The following IL1RAPL2 variants were observed in gnomAD, a reference collection of about 807,000 sequenced individuals.
The protein encoded by IL1RAPL2 is X-linked interleukin-1 receptor accessory protein-like 2.
IL1RAPL2 carries 3 observed loss-of-function variants against 44.1 expected under a neutral mutation model. The observed-to-expected ratio is 0.07, with a 90% CI of 0.03 to 0.18. IL1RAPL2 has a LOEUF of 0.18. IL1RAPL2 is among the 10% of genes least tolerant of loss of function. The probability of loss-of-function intolerance (pLI) is 1.00; values close to 1 mark genes in which losing one functional copy is unlikely to be tolerated. For synonymous variants in IL1RAPL2, 181 were observed against 178.8 expected, an observed-to-expected ratio of 1.01 and a Z score of -0.10; for missense variants, 391 against 496.4, an observed-to-expected ratio of 0.79 and a Z score of 2.02.
intron 2 of IL1RAPL2, among the ~76,000 whole-genome samples, chrX:104,934,419 A>T: frequency 9.0e-6 from 1 of 111,416 alleles, no homozygotes; most frequent in Non-Finnish European, 1.9e-5. Context: ...CAAGAAATTA[A>T]AACTCAACCA....
chrX:104,620,689 G>T (rs1229711812), intron 1 of IL1RAPL2, among the ~76,000 whole-genome samples: 1 of 99,723 alleles, frequency 1.0e-5, no homozygotes, highest in Non-Finnish European at 2.0e-5. Flanking sequence ...ATACTCTTGG[G>T]TGAGGCCATC....
intron 2 of IL1RAPL2, among the ~76,000 whole-genome samples, chrX:105,071,696 A>G (rs908824377): frequency 3.0e-4 from 34 of 111,925 alleles, no homozygotes; most frequent in Non-Finnish European, 5.1e-4. Flanking sequence ...AACAGATTAG[A>G]GAGCCAAAAA....
intron 4 of IL1RAPL2, among the ~76,000 whole-genome samples, chrX:105,257,463 A>C (rs748140498): frequency 2.7e-5 from 3 of 111,591 alleles, no homozygotes; most frequent in Non-Finnish European, 5.6e-5. Context: ...CATTTGGTCC[A>C]ATGTTAAGTT....
At chrX:105,723,705 G>A (rs1015539592) in intron 7 of IL1RAPL2, among the ~76,000 whole-genome samples, 4 of 111,416 alleles carry the variant, frequency 3.6e-5, no homozygotes, top group Admixed American at 1.9e-4. Flanking sequence ...AGTGTCTGGT[G>A]AGGGCCTGTT....
chrX:105,170,972 C>T (rs1255381497), intron 2 of IL1RAPL2, among the ~76,000 whole-genome samples: 4 of 111,253 alleles, frequency 3.6e-5, no homozygotes, highest in African/African-American at 6.5e-5. Flanking sequence ...TAACAGGCAG[C>T]GGTAAAGGGT....
At chrX:104,995,643 G>C (rs2030735007) in intron 2 of IL1RAPL2, among the ~76,000 whole-genome samples, 1 of 111,909 alleles carries the variant, frequency 8.9e-6, no homozygotes, top group Non-Finnish European at 1.9e-5. Context: ...AGTTCAAATA[G>C]TCTCAAGAGC....
At chrX:105,362,694 A>G (rs1274054742) in intron 5 of IL1RAPL2, among the ~76,000 whole-genome samples, 1 of 111,423 alleles carries the variant, frequency 9.0e-6, no homozygotes. Flanking sequence ...GCTATCAGTA[A>G]AAAAGAAAAC....
chrX:104,836,620 A>T (rs1921749268), intron 2 of IL1RAPL2, among the ~76,000 whole-genome samples: 1 of 111,104 alleles, frequency 9.0e-6, no homozygotes, highest in South Asian at 3.8e-4. Context: ...AACAGAAATA[A>T]TGTATCCTAT....
intron 1 of IL1RAPL2, among the ~76,000 whole-genome samples, chrX:104,656,071 T>C (rs1191348309): frequency 9.0e-6 from 1 of 111,618 alleles, no homozygotes; most frequent in Non-Finnish European, 1.9e-5. Flanking sequence ...TATTTTCTTC[T>C]TTATTAATCT....
At chrX:104,817,247 A>G (rs1310039253) in intron 2 of IL1RAPL2, among the ~76,000 whole-genome samples, 1 of 112,485 alleles carries the variant, frequency 8.9e-6, no homozygotes, top group African/African-American at 3.2e-5. Context: ...ACAGCCAAAC[A>G]AGGTAGGCCA....
At chrX:105,042,211 G>A (rs1287722714) in intron 2 of IL1RAPL2, among the ~76,000 whole-genome samples, 1 of 109,376 alleles carries the variant, frequency 9.1e-6, no homozygotes, top group Non-Finnish European at 1.9e-5. Context: ...GGCAACAAAA[G>A]CCAAAATTGA....
intron 2 of IL1RAPL2, among the ~76,000 whole-genome samples, chrX:104,713,170 C>A (rs1359407840): frequency 1.8e-5 from 2 of 110,386 alleles, no homozygotes; most frequent in African/African-American, 6.6e-5. Flanking sequence ...GCTGGGAAAT[C>A]TTTCACCAAT....
chrX:105,070,662 C>G (rs2032194292), intron 2 of IL1RAPL2, among the ~76,000 whole-genome samples: 1 of 108,735 alleles, frequency 9.2e-6, no homozygotes, highest in Non-Finnish European at 1.9e-5. Flanking sequence ...CCACTGCACT[C>G]CAGCCTGGGC....
At position 105,493,099 on chromosome X, in the gene IL1RAPL2, T is replaced by C. The variant is rs747395497; in HGVS notation, c.772+8712T>C. On this transcript the variant is annotated intron_variant, in intron 6 of 10. Transcript: ENST00000372582. ...TCAAGGTTCAGTCATTGTTATTGCA[T>C]GTATAAGTACTTCACTCCTTTTCAT... 3.6e-5 allele frequency among the ~76,000 whole-genome samples: 4 copies of C among 112,516 alleles called. No individual in the cohort carries two copies. The South Asian group carries it at 1.5e-3, about 41-fold the overall frequency.
intron 2 of IL1RAPL2, among the ~76,000 whole-genome samples, chrX:105,183,858 C>T (rs1045106110): frequency 2.7e-5 from 3 of 111,426 alleles, no homozygotes; most frequent in African/African-American, 9.8e-5. Context: ...AATGTCAGCA[C>T]AGAATCCAGT....
chrX:105,344,220 A>G (rs1220239531), intron 5 of IL1RAPL2, among the ~76,000 whole-genome samples: 1 of 112,081 alleles, frequency 8.9e-6, no homozygotes, highest in Non-Finnish European at 1.9e-5. Flanking sequence ...TTCTACAGTG[A>G]ATATGTATTC....
intron 5 of IL1RAPL2, among the ~76,000 whole-genome samples, chrX:105,341,741 C>T (rs1006827478): frequency 9.0e-6 from 1 of 111,009 alleles, no homozygotes; most frequent in Non-Finnish European, 1.9e-5. Context: ...ACTATCCTGG[C>T]TAACACGGTG....
intron 6 of IL1RAPL2, among the ~76,000 whole-genome samples, chrX:105,685,645 AG>A (rs1373342622): frequency 1.8e-5 from 2 of 111,922 alleles, no homozygotes; most frequent in Non-Finnish European, 3.8e-5. Context: ...ATTATCCAGG[AG>A]AACTTCCCCA....
At chrX:104,981,903 T>C (rs761111979) in intron 2 of IL1RAPL2, among the ~76,000 whole-genome samples, 2 of 111,326 alleles carry the variant, frequency 1.8e-5, no homozygotes, top group African/African-American at 6.5e-5. Flanking sequence ...AAATACAGCA[T>C]GTTCTCACTT....
Sources: allele counts gnomAD v4.1 joint callset (sites outside exome capture counted in the v4.1 genomes callset), GRCh38; gene constraint gnomAD v4.1.1; transcripts MANE v1.5; gene names NCBI Gene and HGNC (gene_info 2026-07-23, HGNC 2026-07-21).